Variants in CD2AP observed in about 807,000 individuals in gnomAD.
CD2AP encodes the protein CD2 associated protein, also known as CD2-associated protein.
A neutral mutation model predicts 85.1 loss-of-function variants in CD2AP; 46 were observed. The ratio of observed to expected loss-of-function variants is 0.54; its 90% CI spans 0.43 to 0.69. The LOEUF is 0.69. Among genes scored for constraint, CD2AP ranks in the 30% least tolerant of loss-of-function variants. The probability of loss-of-function intolerance (pLI) is 0.00; values close to 1 mark genes in which losing one functional copy is unlikely to be tolerated. For synonymous variants in CD2AP, 255 were observed against 252.9 expected (o/e 1.01, Z -0.08); for missense variants, 769 against 729.5 (o/e 1.05, Z -0.62).
chr6:47,580,393 G>A (rs1768441881), intron 9 of CD2AP, among the ~76,000 whole-genome samples: 1 of 151,864 alleles, frequency 6.6e-6, no homozygotes, highest in Admixed American at 6.6e-5. Context: ...TCCTTTGAGA[G>A]TTCCAAAGAG....
At chr6:47,493,509 T>A (rs1030128809) in intron 1 of CD2AP, among the ~76,000 whole-genome samples, 1 of 152,068 alleles carries the variant, frequency 6.6e-6, no homozygotes, top group Non-Finnish European at 1.5e-5. Flanking sequence ...TGCCTTTGAT[T>A]TTCTTCCATT....
At chr6:47,575,100 G>A (rs995094939) in intron 6 of CD2AP, among the ~76,000 whole-genome samples, 1 of 152,132 alleles carries the variant, frequency 6.6e-6, no homozygotes, top group African/African-American at 2.4e-5. Context: ...TAGCAGTGAA[G>A]AGTTGGGTTC....
At chr6:47,605,592 A>G (rs1420540287) in intron 13 of CD2AP, among the ~76,000 whole-genome samples, 3 of 152,002 alleles carry the variant, frequency 2.0e-5, no homozygotes, top group Non-Finnish European at 4.4e-5. Flanking sequence ...AGTGAACTAT[A>G]AACAGTTTGA....
At chr6:47,540,194 GAAAA>G (rs1267855644) in intron 3 of CD2AP, among the ~76,000 whole-genome samples, 3 of 140,740 alleles carry the variant, frequency 2.1e-5, no homozygotes, top group Admixed American at 7.1e-5. Context: ...AAAAAAAAAA[GAAAA>G]AAGAAAAAAT....
chr6:47,493,797 G>T (rs765928457), intron 1 of CD2AP, among the ~76,000 whole-genome samples: 5 of 151,658 alleles, frequency 3.3e-5, no homozygotes, highest in Non-Finnish European at 5.9e-5. Flanking sequence ...AATTTCTTTT[G>T]ACCTCTCTTC....
chr6:47,521,997 A>G (rs1197748785), intron 2 of CD2AP, among the ~76,000 whole-genome samples: 1 of 150,788 alleles, frequency 6.6e-6, no homozygotes, highest in Non-Finnish European at 1.5e-5. Context: ...CCTGGGCAAC[A>G]AGAGCGAAAC....
chr6:47,521,818 C>A (rs1455370685), intron 2 of CD2AP, among the ~76,000 whole-genome samples: 2 of 151,870 alleles, frequency 1.3e-5, no homozygotes, highest in African/African-American at 4.8e-5. Context: ...GAGTTCAAGA[C>A]CAGCCTGACC....
At chr6:47,478,511 G>C (rs1008884394) in intron 1 of CD2AP, among the ~76,000 whole-genome samples, 4 of 152,130 alleles carry the variant, frequency 2.6e-5, no homozygotes, top group African/African-American at 7.2e-5. Flanking sequence ...GGTGCGGGAT[G>C]GGGGGCGGGG....
chr6:47,478,328 G>A (rs1765358606), intron 1 of CD2AP, 80 bp downstream of exon 1: 1 of 1,509,032 alleles, frequency 6.6e-7, no homozygotes, highest in East Asian at 2.4e-5. Flanking sequence ...GGCCTTCTGG[G>A]GAGGCGACTG....
At chr6:47,552,900 A>G (rs1307782048) in intron 4 of CD2AP, among the ~76,000 whole-genome samples, 1 of 152,144 alleles carries the variant, frequency 6.6e-6, no homozygotes, top group Non-Finnish European at 1.5e-5. Flanking sequence ...CCTTCCATGA[A>G]TAAATCATTT....
At chr6:47,534,652 A>G (rs767476189) in intron 3 of CD2AP, among the ~76,000 whole-genome samples, 1 of 152,156 alleles carries the variant, frequency 6.6e-6, no homozygotes, top group East Asian at 1.9e-4. Flanking sequence ...GAGATCTGCC[A>G]TTGCACTCCA....
At chr6:47,573,182 A>G (rs990710029) in intron 5 of CD2AP, among the ~76,000 whole-genome samples, 1 of 152,176 alleles carries the variant, frequency 6.6e-6, no homozygotes, top group Non-Finnish European at 1.5e-5. Flanking sequence ...GCAAGAATGT[A>G]AAAACGCTGT....
At chr6:47,613,976 C>T (rs1433101892) in intron 17 of CD2AP, among the ~76,000 whole-genome samples, 1 of 152,222 alleles carries the variant, frequency 6.6e-6, no homozygotes, top group Non-Finnish European at 1.5e-5. Flanking sequence ...CTGCTACCTT[C>T]ATACTTTTCC....
intron 4 of CD2AP, among the ~76,000 whole-genome samples, chr6:47,546,801 A>T (rs144923034): frequency 1.7e-4 from 26 of 152,352 alleles, no homozygotes; most frequent in African/African-American, 5.8e-4. Flanking sequence ...TAACCTATAA[A>T]GGACAGTCTA....
chr6:47,521,481 G>C (rs931657905), intron 2 of CD2AP, among the ~76,000 whole-genome samples: 2 of 152,122 alleles, frequency 1.3e-5, no homozygotes, highest in Non-Finnish European at 2.9e-5. Flanking sequence ...GAACCCGGGA[G>C]GTGGAGGTTG....
At chr6:47,564,950 T>C (rs1767955531) in intron 5 of CD2AP, among the ~76,000 whole-genome samples, 1 of 152,128 alleles carries the variant, frequency 6.6e-6, no homozygotes, top group African/African-American at 2.4e-5. Context: ...TTAAATTTAA[T>C]AGTGTTCTCC....
At chr6:47,557,063 C>G (rs1243021003) in intron 5 of CD2AP, among the ~76,000 whole-genome samples, 1 of 152,082 alleles carries the variant, frequency 6.6e-6, no homozygotes, top group South Asian at 2.1e-4. Flanking sequence ...ATTTGCATTT[C>G]TCTGATGGCC....
intron 2 of CD2AP, among the ~76,000 whole-genome samples, chr6:47,525,970 C>G (rs1290101893): frequency 6.6e-6 from 1 of 152,032 alleles, no homozygotes; most frequent in Non-Finnish European, 1.5e-5. Context: ...CTCTTTTTTA[C>G]TACATCTCCT....
At chr6:47,599,922 C>T (rs1447840049) in intron 13 of CD2AP, among the ~76,000 whole-genome samples, 1 of 151,204 alleles carries the variant, frequency 6.6e-6, no homozygotes, top group Non-Finnish European at 1.5e-5. Flanking sequence ...TTTTTTTAAG[C>T]TTTAGGACTG....
Sources: allele counts gnomAD v4.1 joint callset (sites outside exome capture counted in the v4.1 genomes callset), GRCh38; gene constraint gnomAD v4.1.1; transcripts MANE v1.5; gene names NCBI Gene and HGNC (gene_info 2026-07-23, HGNC 2026-07-21).